Variants in ADAM9 observed in about 807,000 individuals in gnomAD.
ADAM9 encodes the protein disintegrin and metalloproteinase domain-containing protein 9.
In ADAM9, 54 loss-of-function variants were observed where a neutral mutation model predicts 108.1. The ratio of observed to expected loss-of-function variants is 0.50; its 90% CI spans 0.40 to 0.63. The LOEUF (loss-of-function observed/expected upper bound fraction) is 0.63, where lower values mean the gene tolerates loss of function less well. Among genes scored for constraint, ADAM9 ranks in the 20% least tolerant of loss-of-function variants. The probability of loss-of-function intolerance (pLI) is 0.00; values close to 1 mark genes in which losing one functional copy is unlikely to be tolerated. For missense variants in ADAM9, 830 were observed against 997.7 expected, an observed-to-expected ratio of 0.83 and a Z score of 2.26; for synonymous variants, 316 against 336.0, an observed-to-expected ratio of 0.94 and a Z score of 0.65.
At chr8:39,001,494 A>G (rs1053292585) in intron 1 of ADAM9, among the ~76,000 whole-genome samples, 2 of 152,344 alleles carry the variant, frequency 1.3e-5, no homozygotes, top group Admixed American at 6.5e-5. Context: ...TAAATTGTCT[A>G]GGGCATTAAA....
At chr8:39,040,082 C>T (rs1837411262) in intron 11 of ADAM9, among the ~76,000 whole-genome samples, 1 of 152,106 alleles carries the variant, frequency 6.6e-6, no homozygotes, top group Non-Finnish European at 1.5e-5. Context: ...CAGAGTCTCT[C>T]TCTGTTGCCC....
chr8:39,011,853 C>A, intron 3 of ADAM9, 137 bp downstream of exon 3: 1 of 802,320 alleles, frequency 1.2e-6, no homozygotes, highest in Non-Finnish European at 2.1e-6. Flanking sequence ...TGGTGCTGCA[C>A]AGTGGCAGCT....
chr8:39,034,792 A>T (rs190860563), intron 11 of ADAM9, among the ~76,000 whole-genome samples: 115 of 151,810 alleles, frequency 7.6e-4, no homozygotes, highest in Admixed American at 1.2e-3. Context: ...GGCTGTTTTC[A>T]CAATTTTGTC....
At chr8:39,036,192 T>C (rs569859367) in intron 11 of ADAM9, among the ~76,000 whole-genome samples, 1 of 152,292 alleles carries the variant, frequency 6.6e-6, no homozygotes, top group African/African-American at 2.4e-5. Flanking sequence ...GGTATTCTTA[T>C]GCATTGCTGT....
Position 39,016,099 on chromosome 8 carries a change from T to TA in ADAM9, c.334-18dup. The TA allele has an allele frequency of 2.5e-6, 4 of 1,602,868 alleles. No individual in the cohort carries two copies. The highest frequency in any genetic ancestry group is 3.4e-6 in the Non-Finnish European group (4 of 1,169,960). ...GCAATGTAGCAATATTTGAAGATAA[T>TA]ACAGTATTTTTCATTTAGAATCATT... is the stretch of plus-strand genomic sequence containing the variant. On this transcript the variant is annotated intron_variant, in intron 4 of 21. Transcript: ENST00000487273.
chr8:39,042,204 A>G, intron 12 of ADAM9, 87 bp downstream of exon 12: 2 of 1,444,960 alleles, frequency 1.4e-6, no homozygotes, highest in Non-Finnish European at 1.9e-6. Context: ...ACTCTGACAT[A>G]GGAGCTAAAG....
rs1564319102 is a variant in ADAM9 at position 39,054,582 on chromosome 8, T to C, written c.1395+9T>C. 1.3e-6 allele frequency: 2 copies of C among 1,557,400 alleles called. No individual in the cohort carries two copies. The highest frequency in any genetic ancestry group is 3.4e-5 in the Admixed American group (2 of 58,074). ...GTTGTAAAGACTGTCGGGTAAGGAA[T>C]TCCTCCCTTTTGGAAACAGGAAAAA... On this transcript the variant is annotated intron_variant, in intron 13 of 21. Transcript: ENST00000487273.
intron 14 of ADAM9, among the ~76,000 whole-genome samples, chr8:39,059,526 A>C (rs933442093): frequency 2.0e-5 from 3 of 152,204 alleles, no homozygotes; most frequent in Admixed American, 6.5e-5. Context: ...ATGGATGAGA[A>C]TAGTTGGCTG....
At chr8:39,023,435 A>C in intron 9 of ADAM9, 110 bp downstream of exon 9, 1 of 1,214,008 alleles carries the variant, frequency 8.2e-7, no homozygotes, top group East Asian at 2.6e-5. Context: ...TATTCATTTA[A>C]ATGAGGAAAA....
chr8:39,034,572 G>A (rs949974451), intron 11 of ADAM9, among the ~76,000 whole-genome samples: 1 of 152,060 alleles, frequency 6.6e-6, no homozygotes, highest in Non-Finnish European at 1.5e-5. Context: ...TAGTAGTAGT[G>A]TATCTCTTAG....
intron 11 of ADAM9, among the ~76,000 whole-genome samples, chr8:39,029,305 C>G (rs1837027649): frequency 6.6e-6 from 1 of 151,712 alleles, no homozygotes; most frequent in African/African-American, 2.4e-5. Flanking sequence ...ATACTGATAA[C>G]ATGAGGTAGA....
chr8:39,055,886 T>C, intron 14 of ADAM9, 114 bp downstream of exon 14: 1 of 1,098,604 alleles, frequency 9.1e-7, no homozygotes, highest in East Asian at 2.6e-5. Flanking sequence ...TTGTTTCTCA[T>C]CGTATTTCCT....
At chr8:39,003,004 G>A (rs1055751151) in intron 1 of ADAM9, among the ~76,000 whole-genome samples, 1 of 152,052 alleles carries the variant, frequency 6.6e-6, no homozygotes, top group African/African-American at 2.4e-5. Flanking sequence ...AGCCTCCCGA[G>A]TAGCTGGGAC....
At chr8:39,054,235 T>C (rs1838043245) in intron 12 of ADAM9, among the ~76,000 whole-genome samples, 1 of 152,194 alleles carries the variant, frequency 6.6e-6, no homozygotes, top group African/African-American at 2.4e-5. Context: ...TATTTTGTTA[T>C]GGCATTCTGA....
intron 11 of ADAM9, among the ~76,000 whole-genome samples, chr8:39,038,411 G>A (rs1195650921): frequency 6.6e-6 from 1 of 152,064 alleles, no homozygotes; most frequent in Non-Finnish European, 1.5e-5. Context: ...TTTCCTCCCA[G>A]ATACACAGTT....
chr8:39,001,118 A>T (rs1480464781), intron 1 of ADAM9, among the ~76,000 whole-genome samples: 1 of 152,190 alleles, frequency 6.6e-6, no homozygotes, highest in Non-Finnish European at 1.5e-5. Flanking sequence ...AAGGCTGAGA[A>T]TCCTGTTGTG....
chr8:39,086,512 A>G (rs574803618), intron 18 of ADAM9, among the ~76,000 whole-genome samples: 23 of 152,314 alleles, frequency 1.5e-4, no homozygotes, highest in Admixed American at 5.9e-4. Context: ...ATGACTCTAC[A>G]TAAGATGCTC....
intron 16 of ADAM9, 101 bp from the exon 17 acceptor site, chr8:39,082,540 A>G: frequency 1.2e-6 from 1 of 839,648 alleles, no homozygotes; most frequent in Admixed American, 2.6e-5. Context: ...AGTTTGAAAG[A>G]ATTCTGCAAT....
intron 18 of ADAM9, among the ~76,000 whole-genome samples, chr8:39,088,713 TAAAATC>T (rs1325391886): frequency 6.6e-6 from 1 of 152,142 alleles, no homozygotes; most frequent in East Asian, 1.9e-4. Flanking sequence ...TAATGAAACT[TAAAATC>T]TAGAAGGCGT....
Sources: gnomAD v4.1 joint callset for allele counts (sites outside exome capture counted in the v4.1 genomes callset) on GRCh38, gnomAD v4.1.1 for gene constraint, MANE v1.5 for transcripts, NCBI Gene and HGNC (gene_info 2026-07-23, HGNC 2026-07-21) for gene names.